The following UBA2 variants were observed in gnomAD, a reference collection of about 807,000 sequenced individuals.
UBA2 encodes the protein ubiquitin like modifier activating enzyme 2, also known as SUMO-activating enzyme subunit 2.
UBA2 carries 11 observed loss-of-function variants against 77.2 expected under a neutral mutation model. That is an observed-to-expected ratio of 0.14 (90% CI 0.09 to 0.24). The LOEUF (loss-of-function observed/expected upper bound fraction) is 0.24, where lower values mean the gene tolerates loss of function less well. UBA2 is among the 10% of genes least tolerant of loss of function. UBA2 has a pLI of 1.00. For missense variants in UBA2, 487 were observed against 781.7 expected (o/e 0.62, Z 4.50); for synonymous variants, 278 against 276.7 (o/e 1.00, Z -0.05).
intron 8 of UBA2, among the ~76,000 whole-genome samples, chr19:34,445,667 A>T (rs1275880171): frequency 6.6e-6 from 1 of 151,632 alleles, no homozygotes; most frequent in Non-Finnish European, 1.5e-5. Flanking sequence ...TGAACTCCTG[A>T]CTGCAAGTGA....
At chr19:34,457,347 C>A (rs1175048031) in intron 12 of UBA2, among the ~76,000 whole-genome samples, 1 of 151,172 alleles carries the variant, frequency 6.6e-6, no homozygotes, top group African/African-American at 2.4e-5. Flanking sequence ...AGCCTGGCAA[C>A]AAGAGCGAAA....
intron 6 of UBA2, among the ~76,000 whole-genome samples, chr19:34,441,177 C>T (rs528680665): frequency 3.9e-5 from 6 of 152,122 alleles, no homozygotes; most frequent in African/African-American, 1.2e-4. Context: ...CTTACTAGGC[C>T]GGGCGAGGTG....
chr19:34,451,885 TTTC>T, intron 9 of UBA2, 93 bp from the exon 10 acceptor site: 1 of 639,398 alleles, frequency 1.6e-6, no homozygotes. Context: ...TCATATTTGA[TTTC>T]TTAATGGTCG....
At chr19:34,458,296 CTGT>C (rs2075591125) in intron 12 of UBA2, among the ~76,000 whole-genome samples, 1 of 150,366 alleles carries the variant, frequency 6.7e-6, no homozygotes, top group Non-Finnish European at 1.5e-5. Context: ...TGGCTCACGC[CTGT>C]AATCCCAGCA....
chr19:34,429,211 C>G, intron 1 of UBA2: 1 of 985,366 alleles, frequency 1.0e-6, no homozygotes, highest in Non-Finnish European at 1.2e-6. Context: ...TGTCATTGCT[C>G]TCACAGTAGA....
intron 7 of UBA2, among the ~76,000 whole-genome samples, chr19:34,444,113 A>G (rs1356626396): frequency 2.3e-5 from 3 of 130,104 alleles, no homozygotes; most frequent in Admixed American, 9.6e-5. Context: ...GCTGGAGTAC[A>G]ATGGTATAAT....
Position 34,467,031 on chromosome 19 carries a change from C to G in UBA2, c.1741+17C>G. On this transcript the variant is annotated intron_variant, in intron 16 of 16. Coordinates refer to ENST00000246548, the MANE Select transcript of UBA2 (RefSeq NM_005499.3). The stretch of plus-strand genomic sequence containing the variant: ...CCTCCACAGGTGAGTATGGCCCCAG[C>G]CAGCAGGTTGTTAAATACCCACAAA... 1 of 1,605,422 alleles carries G rather than the reference C, an allele frequency of 6.2e-7. No homozygotes were observed. Among genetic ancestry groups the G allele is most frequent in the African/African-American group, 1.3e-5 (1 of 74,848 alleles).
chr19:34,432,744 G>A (rs1418636553), intron 3 of UBA2, among the ~76,000 whole-genome samples: 1 of 152,120 alleles, frequency 6.6e-6, no homozygotes, highest in Non-Finnish European at 1.5e-5. Context: ...TTTAGTAGGC[G>A]GGGTTTCATC....
intron 10 of UBA2, among the ~76,000 whole-genome samples, chr19:34,452,790 C>T (rs2075515947): frequency 6.6e-6 from 1 of 152,024 alleles, no homozygotes; most frequent in Non-Finnish European, 1.5e-5. Flanking sequence ...GCATAAAGGC[C>T]AATTTTAGAA....
rs766043321 is a variant in UBA2, at chr19:34,457,179, A to AATATAT, written c.1246-1560_1246-1555dup. On this transcript the variant is annotated intron_variant, in intron 12 of 16. Coordinates refer to ENST00000246548, the MANE Select transcript of UBA2 (RefSeq NM_005499.3). ...CCTGGTCTCTACTAAAAAAAAAAAAAATATATATATATATATATATATATA... is the reference window on the plus strand; with the variant it reads ...CCTGGTCTCTACTAAAAAAAAAAAAAATATATATATATATATATATATATATATATA... 2.0e-3 allele frequency among the ~76,000 whole-genome samples: 105 copies of AATATAT among 53,220 alleles called. 5 individuals are homozygous for AATATAT. Among genetic ancestry groups the AATATAT allele is most frequent in the African/African-American group, 9.1e-3 (78 of 8,532 alleles). The allele number at this position is 53,220 out of a possible 152,430, so 34.9% of individuals were successfully genotyped here. A position where few individuals can be genotyped will look rare whatever the true frequency, so the allele number is the denominator to read the frequency against.
At chr19:34,451,922 C>A in intron 9 of UBA2, 59 bp from the exon 10 acceptor site, 1 of 957,412 alleles carries the variant, frequency 1.0e-6, no homozygotes, top group Non-Finnish European at 1.5e-6. Context: ...TTAAACAGAG[C>A]ACAGTAGAGG....
Position 34,470,481 on chromosome 19 carries a change from T to A in UBA2, c.*1260T>A, listed in dbSNP as rs1183639924. 1.3e-5 allele frequency: 2 copies of A among 152,202 alleles called. No individual in the cohort carries two copies. Among genetic ancestry groups the A allele is most frequent in the Non-Finnish European group, 2.9e-5 (2 of 68,042 alleles). The allele number at this position is 152,202 out of a possible 1,614,324, so 9.4% of individuals were successfully genotyped here. ...CTGGGTAACATAGCAAGACCCTGTC[T>A]CTAAAAAATAAGTAAATAAAATAAA... On this transcript the variant is annotated 3_prime_UTR_variant, in exon 17 of 17. Coordinates refer to ENST00000246548, the MANE Select transcript of UBA2 (RefSeq NM_005499.3).
At chr19:34,429,830 T>C (rs955191214) in intron 1 of UBA2, among the ~76,000 whole-genome samples, 5 of 152,082 alleles carry the variant, frequency 3.3e-5, no homozygotes, top group South Asian at 2.1e-4. Flanking sequence ...AGGGAGACCC[T>C]GTCTCAAAAA....
intron 5 of UBA2, among the ~76,000 whole-genome samples, chr19:34,436,730 AG>A (rs1185191980): frequency 1.1e-4 from 6 of 56,184 alleles, no homozygotes; most frequent in Non-Finnish European, 4.1e-4. Flanking sequence ...AACTATAGAA[AG>A]AGAATTATAA....
At position 34,452,046 on chromosome 19, in the gene UBA2, C is replaced by T; in HGVS notation, c.937C>T (p.Leu313=). 1 of 1,610,280 alleles carries T rather than the reference C, an allele frequency of 6.2e-7. No homozygotes were observed. Among genetic ancestry groups the T allele is most frequent in the Non-Finnish European group, 8.5e-7 (1 of 1,177,510 alleles). The change falls in exon 10 of 17, where the codon CTA becomes TTA. Residue 313 remains leucine, a synonymous_variant. Coordinates refer to ENST00000246548, the MANE Select transcript of UBA2 (RefSeq NM_005499.3). ...PQLGLKDQQV[L]DVKSYARLFS... ...GTTAGGCCTGAAAGACCAGCAGGTT[C>T]TAGATGTAAAGAGCTATGCACGTCT... is the stretch of plus-strand genomic sequence containing the variant.
At position 34,454,505 on chromosome 19, in the gene UBA2, A is replaced by G. The variant is rs1454373656; in HGVS notation, c.1194A>G (p.Ile398Met). 7 of 1,610,838 alleles carry G rather than the reference A, an allele frequency of 4.3e-6. No individual in the cohort carries two copies. The highest frequency in any genetic ancestry group is 2.2e-5 in the East Asian group (1 of 44,822). Reference protein sequence around the residue: ...ATTNAVIAGLIVLEGLKILSG... With the variant: ...ATTNAVIAGLMVLEGLKILSG... ...CTAATGCAGTAATTGCTGGGTTGAT[A>G]GTATTGGAAGGATTGAAGATTTTAT... Residue 398 changes from isoleucine to methionine, a missense_variant, in exon 12 of 17, where the codon ATA becomes ATG. By Grantham distance (10) the Ile-to-Met change is conservative. Transcript: ENST00000246548.
chr19:34,434,529 GTTATA>G (rs2075289480), intron 4 of UBA2, among the ~76,000 whole-genome samples: 1 of 152,164 alleles, frequency 6.6e-6, no homozygotes, highest in Non-Finnish European at 1.5e-5. Flanking sequence ...TTATCTGCTA[GTTATA>G]TTAGAATAGT....
rs2145491902 is a variant in UBA2, at chr19:34,433,528, G to T, written c.358+116G>T. ...GATTTAGAACTTAAAAGACTTAAGAGAAATGATCGAGTTTAAAGCATGCCC... is the reference window on the plus strand; with the variant it reads ...GATTTAGAACTTAAAAGACTTAAGATAAATGATCGAGTTTAAAGCATGCCC... On this transcript the variant is annotated intron_variant, in intron 4 of 16. Coordinates refer to ENST00000246548, the MANE Select transcript of UBA2 (RefSeq NM_005499.3). 4 of 757,396 alleles carry T rather than the reference G, an allele frequency of 5.3e-6. No individual in the cohort carries two copies. In the East Asian group the frequency reaches 1.1e-4, roughly 20 times the overall value. The allele number at this position is 757,396 out of a possible 1,614,324, so 46.9% of individuals were successfully genotyped here.
intron 8 of UBA2, 97 bp from the exon 9 acceptor site, chr19:34,450,168 C>G (rs2075476881): frequency 1.3e-6 from 1 of 797,388 alleles, no homozygotes; most frequent in Non-Finnish European, 2.0e-6. Context: ...ATCTTTAAAT[C>G]AGATTTCATA....
Sources: gnomAD v4.1 joint callset for allele counts (sites outside exome capture counted in the v4.1 genomes callset) on GRCh38, gnomAD v4.1.1 for gene constraint, MANE v1.5 for transcripts, NCBI Gene and HGNC (gene_info 2026-07-23, HGNC 2026-07-21) for gene names.